Variants in RBFOX1 observed in about 807,000 individuals in gnomAD.
The protein encoded by RBFOX1 is RNA binding fox-1 homolog 1, also known as RNA binding protein fox-1 homolog 1.
A neutral mutation model predicts 57.7 loss-of-function variants in RBFOX1; 8 were observed. The observed-to-expected ratio is 0.14, with a 90% CI of 0.08 to 0.25. RBFOX1 has a LOEUF of 0.25. Ranked by LOEUF, RBFOX1 falls within the 10% of genes least tolerant of loss-of-function variation. The probability of loss-of-function intolerance (pLI) is 1.00; values close to 1 mark genes in which losing one functional copy is unlikely to be tolerated. For synonymous variants in RBFOX1, 326 were observed against 222.4 expected (o/e 1.47, Z -4.15); for missense variants, 611 against 548.5 (o/e 1.11, Z -1.14).
At chr16:6,309,409 G>T (rs142328905) in intron 1 of RBFOX1, among the ~76,000 whole-genome samples, 1 of 152,116 alleles carries the variant, frequency 6.6e-6, no homozygotes, top group African/African-American at 2.4e-5. Context: ...TAAAAGATCC[G>T]GCGCGGCCCA....
chr16:6,354,817 A>G (rs957646484), intron 2 of RBFOX1, among the ~76,000 whole-genome samples: 2 of 152,192 alleles, frequency 1.3e-5, no homozygotes, highest in South Asian at 4.1e-4. Context: ...CTAATAGAAG[A>G]TGCTCATTAA....
chr16:6,927,244 C>T (rs370419618), intron 3 of RBFOX1, among the ~76,000 whole-genome samples: 1 of 151,386 alleles, frequency 6.6e-6, no homozygotes, highest in South Asian at 2.1e-4. Context: ...CAGTTCCCAT[C>T]TCTACTAAAA....
intron 3 of RBFOX1, among the ~76,000 whole-genome samples, chr16:6,830,478 G>T (rs1182150581): frequency 6.6e-6 from 1 of 152,132 alleles, no homozygotes; most frequent in Non-Finnish European, 1.5e-5. Flanking sequence ...CAGGATAAAA[G>T]CATCCTCTAT....
At chr16:7,162,789 TCTC>T (rs1229894703) in intron 4 of RBFOX1, among the ~76,000 whole-genome samples, 2 of 151,964 alleles carry the variant, frequency 1.3e-5, no homozygotes, top group African/African-American at 4.8e-5. Flanking sequence ...TGAAAACAGC[TCTC>T]CTCCTCCTCC....
chr16:7,469,208 A>T (rs1310417384), intron 4 of RBFOX1, among the ~76,000 whole-genome samples: 1 of 146,976 alleles, frequency 6.8e-6, no homozygotes, highest in Admixed American at 7.0e-5. Context: ...TGCTGGGATT[A>T]CAAGCGTGAG....
Position 6,116,520 on chromosome 16 carries a change from A to G in RBFOX1, c.-127+96528A>G, listed in dbSNP as rs149652288. Among the ~76,000 whole-genome samples the G allele has an allele frequency of 1.6e-3, 251 of 152,332 alleles. 2 individuals carry two copies. The highest frequency in any genetic ancestry group is 5.9e-3 in the African/African-American group (247 of 41,580). On this transcript the variant is annotated intron_variant, in intron 1 of 15. Transcript: ENST00000550418. ...GTGGAGATTTTCTTACATGAATATG[A>G]TAACCACAACTGCTGCAGCCACTTA...
chr16:7,027,123 A>G (rs1462590676), intron 3 of RBFOX1, among the ~76,000 whole-genome samples: 1 of 152,150 alleles, frequency 6.6e-6, no homozygotes, highest in Non-Finnish European at 1.5e-5. Flanking sequence ...AACGCTTTCT[A>G]TGCCTTAGAG....
intron 3 of RBFOX1, among the ~76,000 whole-genome samples, chr16:7,049,151 G>A (rs1050389124): frequency 1.3e-5 from 2 of 152,140 alleles, no homozygotes; most frequent in African/African-American, 4.8e-5. Context: ...AGTAATATTT[G>A]TTTTCTAGGG....
chr16:6,227,445 A>G (rs546118960), intron 1 of RBFOX1, among the ~76,000 whole-genome samples: 6 of 152,222 alleles, frequency 3.9e-5, no homozygotes, highest in Non-Finnish European at 7.3e-5. Context: ...AGCAAAAACA[A>G]ACAACAGTAG....
chr16:6,828,814 A>G (rs921490672), intron 3 of RBFOX1, among the ~76,000 whole-genome samples: 4 of 152,290 alleles, frequency 2.6e-5, no homozygotes, highest in East Asian at 1.9e-4. Context: ...AATGGATGGC[A>G]TCACAATTCT....
At position 7,518,351 on chromosome 16, in the gene RBFOX1, G is replaced by T; in HGVS notation, c.232G>T (p.Ala78Ser). 1.2e-6 allele frequency: 2 copies of T among 1,613,356 alleles called. No homozygotes were observed. Among genetic ancestry groups the T allele is most frequent in the African/African-American group, 2.7e-5 (2 of 75,054 alleles). ...PAQTHSEQSP[A>S]DTSAQTVSGT... ...CCAGACGCACTCCGAGCAGAGCCCG[G>T]CGGACACGAGCGCTCAGACCGTCTC... Residue 78 changes from alanine to serine, a missense_variant, in exon 5 of 16, where the codon GCG (alanine) becomes TCG (serine). Physicochemically the swap from Ala to Ser is moderately conservative, Grantham distance 99 (BLOSUM62 1). Coordinates refer to ENST00000550418, the MANE Select transcript of RBFOX1 (RefSeq NM_018723.4).
At chr16:6,922,764 G>A (rs751952317) in intron 3 of RBFOX1, among the ~76,000 whole-genome samples, 1 of 152,142 alleles carries the variant, frequency 6.6e-6, no homozygotes, top group African/African-American at 2.4e-5. Flanking sequence ...TTTCCTTATT[G>A]TATGGTGACT....
At chr16:6,632,528 G>T (rs1390611327) in intron 2 of RBFOX1, among the ~76,000 whole-genome samples, 1 of 152,170 alleles carries the variant, frequency 6.6e-6, no homozygotes, top group African/African-American at 2.4e-5. Flanking sequence ...GTCCACTTGA[G>T]GAGGAGACAG....
At chr16:5,626,975 C>A (rs537701756) in intron 3 of RBFOX1, among the ~76,000 whole-genome samples, 303 of 152,224 alleles carry the variant, frequency 2.0e-3, no homozygotes, top group South Asian at 3.5e-3. Context: ...AAATCAGCTT[C>A]CTTTTAAATT....
At chr16:6,461,494 T>C (rs2094920495) in intron 2 of RBFOX1, among the ~76,000 whole-genome samples, 1 of 152,212 alleles carries the variant, frequency 6.6e-6, no homozygotes, top group Non-Finnish European at 1.5e-5. Context: ...TTCAGGCTAA[T>C]TTTACTTGTT....
At chr16:6,687,177 G>C (rs1251706965) in intron 3 of RBFOX1, among the ~76,000 whole-genome samples, 2 of 152,092 alleles carry the variant, frequency 1.3e-5, no homozygotes, top group African/African-American at 4.8e-5. Context: ...TGAATTCTTG[G>C]TTTTAACATC....
At chr16:5,770,496 C>T (rs1334283348) in intron 3 of RBFOX1, among the ~76,000 whole-genome samples, 1 of 152,180 alleles carries the variant, frequency 6.6e-6, no homozygotes, top group African/African-American at 2.4e-5. Context: ...CCTTGTTTAG[C>T]ATATAATTAA....
intron 4 of RBFOX1, among the ~76,000 whole-genome samples, chr16:7,292,591 G>C (rs975566979): frequency 2.0e-5 from 3 of 149,938 alleles, no homozygotes; most frequent in Non-Finnish European, 4.4e-5. Flanking sequence ...CGGTGATGAC[G>C]ATTAGGGTAT....
At chr16:6,806,836 A>ATATATATATATATATATATATAT (rs754342591) in intron 3 of RBFOX1, among the ~76,000 whole-genome samples, 9 of 91,902 alleles carry the variant, frequency 9.8e-5, no homozygotes, top group Non-Finnish European at 1.9e-4. Context: ...ATATATATAT[A>ATATATATATATATATATATATAT]TTTTTTTTTT....
Sources: allele counts gnomAD v4.1 joint callset (sites outside exome capture counted in the v4.1 genomes callset), GRCh38; gene constraint gnomAD v4.1.1; transcripts MANE v1.5; gene names NCBI Gene and HGNC (gene_info 2026-07-23, HGNC 2026-07-21).